Variants in PLPP1 observed in about 807,000 individuals in gnomAD.
The protein encoded by PLPP1 is phospholipid phosphatase 1.
PLPP1 carries 24 observed loss-of-function variants against 31.2 expected under a neutral mutation model. That is an observed-to-expected ratio of 0.77 (90% confidence interval 0.56 to 1.08). The LOEUF is 1.08. Among genes scored for constraint, PLPP1 ranks in the 50% least tolerant of loss-of-function variants. The pLI is 0.00. For missense variants in PLPP1, 319 were observed against 342.7 expected (o/e 0.93, Z 0.55); for synonymous variants, 146 against 126.3 (o/e 1.16, Z -1.05).
chr5:55,455,163 G>A (rs1751977312), intron 3 of PLPP1, among the ~76,000 whole-genome samples: 1 of 152,056 alleles, frequency 6.6e-6, no homozygotes, highest in Non-Finnish European at 1.5e-5. Flanking sequence ...CCAGAGATCA[G>A]TTACTCAGAA....
intron 1 of PLPP1, among the ~76,000 whole-genome samples, chr5:55,492,047 A>T (rs1213286810): frequency 2.6e-5 from 4 of 151,856 alleles, no homozygotes; most frequent in Non-Finnish European, 5.9e-5. Context: ...TACCAAAATA[A>T]TTTCAGTTGA....
At chr5:55,448,275 A>G (rs1015760705) in intron 3 of PLPP1, among the ~76,000 whole-genome samples, 7 of 152,168 alleles carry the variant, frequency 4.6e-5, no homozygotes, top group African/African-American at 1.7e-4. Context: ...GAATGAGAAA[A>G]TGAGCACTCT....
Position 55,484,691 on chromosome 5 carries a change from T to C in PLPP1, c.59-9241A>G, listed in dbSNP as rs577903886. On this transcript the variant is annotated intron_variant, in intron 1 of 5. Coordinates refer to ENST00000307259, the MANE Select transcript of PLPP1 (RefSeq NM_003711.4). ...AGTAATAGGAGGGTCTTTGTTATTC[T>C]TGAGCCCCTTGGTTCACACCTGGGT... 3 of 152,286 alleles carry C rather than the reference T, an allele frequency of 2.0e-5. No homozygotes were observed. In the South Asian group the frequency reaches 6.2e-4, roughly 32 times the overall value. 9.4% of individuals were successfully genotyped at this position (152,286 alleles called of 1,614,324 possible).
intron 1 of PLPP1, among the ~76,000 whole-genome samples, chr5:55,520,136 T>G (rs1753633177): frequency 6.6e-6 from 1 of 152,234 alleles, no homozygotes; most frequent in Non-Finnish European, 1.5e-5. Context: ...TCTAGTTTGC[T>G]GTTCTCTCTC....
intron 4 of PLPP1, among the ~76,000 whole-genome samples, chr5:55,427,776 G>T (rs545994875): frequency 8.6e-4 from 107 of 124,826 alleles, no homozygotes; most frequent in South Asian, 8.0e-3. Flanking sequence ...ACACTTTTTT[G>T]GGGGGGGGGA....
chr5:55,459,079 AAAGTTTTACT>A (rs1752094468), intron 3 of PLPP1, among the ~76,000 whole-genome samples: 1 of 151,934 alleles, frequency 6.6e-6, no homozygotes, highest in Admixed American at 6.6e-5. Context: ...GAATAAGCTA[AAAGTTTTACT>A]TATAGAAAAA....
At chr5:55,445,076 T>C (rs917657729) in intron 3 of PLPP1, among the ~76,000 whole-genome samples, 5 of 152,160 alleles carry the variant, frequency 3.3e-5, no homozygotes, top group African/African-American at 1.2e-4. Flanking sequence ...ATGGCAACTT[T>C]ATGATGTTTT....
intron 1 of PLPP1, among the ~76,000 whole-genome samples, chr5:55,508,688 G>C (rs1468114384): frequency 3.9e-5 from 6 of 152,228 alleles, no homozygotes; most frequent in Non-Finnish European, 8.8e-5. Flanking sequence ...ACTAGCTGGT[G>C]CTAGAGGAGC....
chr5:55,445,911 C>G (rs1385474582), intron 3 of PLPP1, among the ~76,000 whole-genome samples: 1 of 151,934 alleles, frequency 6.6e-6, no homozygotes, highest in Non-Finnish European at 1.5e-5. Context: ...TTTTTCTCAT[C>G]GCTTTGAGGC....
chr5:55,439,955 A>G (rs1227741414), intron 4 of PLPP1, among the ~76,000 whole-genome samples: 1 of 152,140 alleles, frequency 6.6e-6, no homozygotes, highest in Non-Finnish European at 1.5e-5. Flanking sequence ...CAAGTAATCA[A>G]TCAATCAATA....
intron 1 of PLPP1, chr5:55,508,889 G>T (rs1461572188): frequency 6.5e-6 from 1 of 154,066 alleles, no homozygotes; most frequent in Non-Finnish European, 1.5e-5. Flanking sequence ...AAATAAAGTG[G>T]GTACCATTTA....
At chr5:55,431,477 T>G (rs564907395) in intron 4 of PLPP1, among the ~76,000 whole-genome samples, 1 of 152,278 alleles carries the variant, frequency 6.6e-6, no homozygotes, top group South Asian at 2.1e-4. Flanking sequence ...AATGAGGAAC[T>G]TGGGAAATTG....
chr5:55,441,833 C>G lies in PLPP1; in HGVS notation c.549+18G>C. The stretch of plus-strand genomic sequence containing the variant: ...ATGCAGCACATAACCTAACCGTCAA[C>G]AGACACAAAGTACTTACTGCCACAA... On this transcript the variant is annotated intron_variant, in intron 4 of 5. Transcript: ENST00000307259. 2 of 1,609,746 alleles carry G rather than the reference C, an allele frequency of 1.2e-6. No individual in the cohort carries two copies. Among genetic ancestry groups the G allele is most frequent in the Non-Finnish European group, 1.7e-6 (2 of 1,175,996 alleles).
At chr5:55,460,914 G>A (rs1167427225) in intron 3 of PLPP1, among the ~76,000 whole-genome samples, 1 of 152,132 alleles carries the variant, frequency 6.6e-6, no homozygotes, top group Non-Finnish European at 1.5e-5. Context: ...GGCCAGGAGT[G>A]GTGGCTCATG....
intron 1 of PLPP1, among the ~76,000 whole-genome samples, chr5:55,519,970 T>C (rs1753629987): frequency 6.6e-6 from 1 of 152,206 alleles, no homozygotes; most frequent in Non-Finnish European, 1.5e-5. Context: ...GAAGTGGCAA[T>C]GTTTAACTCA....
chr5:55,501,138 C>A (rs971707419), intron 1 of PLPP1, among the ~76,000 whole-genome samples: 48 of 152,220 alleles, frequency 3.2e-4, no homozygotes, highest in South Asian at 8.3e-4. Flanking sequence ...CATGGCAAAA[C>A]CCCATCTCTA....
intron 3 of PLPP1, among the ~76,000 whole-genome samples, chr5:55,446,441 C>G (rs950693248): frequency 7.2e-5 from 11 of 152,104 alleles, no homozygotes; most frequent in African/African-American, 2.7e-4. Flanking sequence ...TCTCTTCATC[C>G]CACATCATAT....
At chr5:55,491,000 G>A (rs200882182) in intron 1 of PLPP1, 2 of 1,613,538 alleles carry the variant, frequency 1.2e-6, no homozygotes, top group East Asian at 2.2e-5. Context: ...GATGAGGACA[G>A]TGGATGTGAC....
chr5:55,441,687 G>A (rs1751623439), intron 4 of PLPP1, among the ~76,000 whole-genome samples, 164 bp downstream of exon 4: 1 of 152,156 alleles, frequency 6.6e-6, no homozygotes, highest in Non-Finnish European at 1.5e-5. Flanking sequence ...CCAAAGTAAG[G>A]GCACACATCA....
Sources: gnomAD v4.1 joint callset for allele counts (sites outside exome capture counted in the v4.1 genomes callset) on GRCh38, gnomAD v4.1.1 for gene constraint, MANE v1.5 for transcripts, NCBI Gene and HGNC (gene_info 2026-07-23, HGNC 2026-07-21) for gene names.